The following CADPS2 variants were observed in gnomAD, a reference collection of about 807,000 sequenced individuals.
CADPS2 encodes calcium dependent secretion activator 2.
CADPS2 carries 93 observed loss-of-function variants against 172.5 expected under a neutral mutation model. The observed-to-expected ratio is 0.54, with a 90% CI of 0.46 to 0.64. The LOEUF is 0.64. CADPS2 is among the 30% of genes least tolerant of loss of function. The pLI, the probability that CADPS2 is intolerant of heterozygous loss-of-function variation, is 0.00. For missense variants in CADPS2, 1,420 were observed against 1,565.9 expected (o/e 0.91, Z 1.57); for synonymous variants, 546 against 555.2 (o/e 0.98, Z 0.23).
chr7:122,500,659 T>C (rs968499063), intron 9 of CADPS2, among the ~76,000 whole-genome samples: 1 of 152,096 alleles, frequency 6.6e-6, no homozygotes, highest in Non-Finnish European at 1.5e-5. Flanking sequence ...GATGTGACCA[T>C]AGTTATAAGA....
intron 8 of CADPS2, among the ~76,000 whole-genome samples, chr7:122,547,582 T>C (rs1587116098): frequency 1.3e-5 from 2 of 152,280 alleles, no homozygotes; most frequent in East Asian, 3.9e-4. Context: ...AAAAATTGGG[T>C]TTAAAAATAG....
intron 1 of CADPS2, among the ~76,000 whole-genome samples, chr7:122,787,210 T>C (rs1001999983): frequency 6.6e-6 from 1 of 152,214 alleles, no homozygotes; most frequent in Non-Finnish European, 1.5e-5. Flanking sequence ...GAGGGTTTTA[T>C]AAAGTGCCTC....
At chr7:122,568,547 G>C (rs2066771669) in intron 7 of CADPS2, among the ~76,000 whole-genome samples, 1 of 152,042 alleles carries the variant, frequency 6.6e-6, no homozygotes, top group Non-Finnish European at 1.5e-5. Context: ...TCCAGGAATA[G>C]GCTTACAGAT....
At chr7:122,829,142 C>G (rs1805771297) in intron 1 of CADPS2, among the ~76,000 whole-genome samples, 2 of 152,074 alleles carry the variant, frequency 1.3e-5, no homozygotes, top group Non-Finnish European at 2.9e-5. Flanking sequence ...AGGAACAGGT[C>G]CATTATTGTC....
intron 10 of CADPS2, among the ~76,000 whole-genome samples, chr7:122,490,606 T>C (rs955403315): frequency 6.6e-6 from 1 of 152,170 alleles, no homozygotes; most frequent in South Asian, 2.1e-4. Flanking sequence ...AAAGAAGTTT[T>C]ATCTGTTGGC....
chr7:122,482,590 A>G (rs2057417045), intron 11 of CADPS2, among the ~76,000 whole-genome samples: 1 of 152,166 alleles, frequency 6.6e-6, no homozygotes, highest in Non-Finnish European at 1.5e-5. Flanking sequence ...AAATTTACAA[A>G]AAGTTTATTA....
In CADPS2 at chr7:122,325,534, A is replaced by T. The variant is rs2033655922; in HGVS notation, c.3660T>A (p.Asp1220Glu). Residue 1220 changes from aspartate (D) to glutamate (E), a missense_variant, in exon 29 of 30, where the codon GAT becomes GAA. By Grantham distance (45) the Asp-to-Glu change is conservative. Coordinates refer to ENST00000449022, the MANE Select transcript of CADPS2 (RefSeq NM_017954.11). ...SMKVICVWLTDRLDLQLHIYQ... is the reference protein window; with the variant it reads ...SMKVICVWLTERLDLQLHIYQ... ...AAATATGGAGTTGGAGGTCTAATCTATCAGTCAACCACACGCAAATGACTT... is the reference window on the plus strand; with the variant it reads ...AAATATGGAGTTGGAGGTCTAATCTTTCAGTCAACCACACGCAAATGACTT... The T allele has an allele frequency of 6.2e-7, 1 of 1,611,764 alleles. No homozygotes were observed. Among genetic ancestry groups the T allele is most frequent in the Non-Finnish European group, 8.5e-7 (1 of 1,178,786 alleles).
At chr7:122,403,566 CAT>C (rs780286511) in intron 20 of CADPS2, among the ~76,000 whole-genome samples, 17 of 151,974 alleles carry the variant, frequency 1.1e-4, no homozygotes, top group Admixed American at 3.3e-4. Flanking sequence ...AAATATAAAA[CAT>C]ATTTAATATG....
intron 1 of CADPS2, among the ~76,000 whole-genome samples, chr7:122,827,529 G>T (rs1372205320): frequency 6.6e-6 from 1 of 151,600 alleles, no homozygotes; most frequent in Non-Finnish European, 1.5e-5. Context: ...CTACTTGGGA[G>T]GCTGAGGCAG....
At chr7:122,747,765 AG>A (rs2092778630) in intron 1 of CADPS2, among the ~76,000 whole-genome samples, 1 of 152,122 alleles carries the variant, frequency 6.6e-6, no homozygotes, top group African/African-American at 2.4e-5. Flanking sequence ...CAGCTTGAAG[AG>A]GTAAAAGCTC....
intron 17 of CADPS2, among the ~76,000 whole-genome samples, chr7:122,435,472 T>C (rs147324526): frequency 1.0e-3 from 154 of 152,226 alleles, no homozygotes; most frequent in African/African-American, 3.6e-3. Flanking sequence ...CTCACACCTG[T>C]TGGGACGACT....
chr7:122,563,779 T>TA (rs1273789849), intron 7 of CADPS2, among the ~76,000 whole-genome samples: 1 of 152,090 alleles, frequency 6.6e-6, no homozygotes, highest in Non-Finnish European at 1.5e-5. Flanking sequence ...GCATGGAACA[T>TA]AAAGTTATGG....
At chr7:122,646,230 A>T (rs2078537543) in intron 3 of CADPS2, among the ~76,000 whole-genome samples, 1 of 152,092 alleles carries the variant, frequency 6.6e-6, no homozygotes, top group African/African-American at 2.4e-5. Context: ...CATTTACTAT[A>T]TGTAAGTGCC....
At chr7:122,856,172 T>A (rs1025520645) in intron 1 of CADPS2, among the ~76,000 whole-genome samples, 2 of 152,190 alleles carry the variant, frequency 1.3e-5, no homozygotes, top group African/African-American at 2.4e-5. Flanking sequence ...TGAGCCAACA[T>A]CCCACTCCCT....
chr7:122,404,032 T>A (rs2046301810), intron 20 of CADPS2, among the ~76,000 whole-genome samples: 1 of 152,202 alleles, frequency 6.6e-6, no homozygotes, highest in South Asian at 2.1e-4. Flanking sequence ...AGGGTACATG[T>A]GCACAATGTG....
chr7:122,565,231 T>TA (rs11304570), intron 7 of CADPS2, among the ~76,000 whole-genome samples: 5,210 of 142,056 alleles, frequency 0.037, 246 homozygotes, highest in African/African-American at 0.12. Context: ...TTTATAGAAT[T>TA]AAAAAAAAAA....
chr7:122,693,481 G>A (rs1317571885), intron 2 of CADPS2, among the ~76,000 whole-genome samples: 2 of 152,220 alleles, frequency 1.3e-5, no homozygotes, highest in African/African-American at 2.4e-5. Flanking sequence ...ACAGTCCTCT[G>A]GCAGTGGTTC....
At chr7:122,874,632 T>C (rs1015926565) in intron 1 of CADPS2, among the ~76,000 whole-genome samples, 1 of 152,178 alleles carries the variant, frequency 6.6e-6, no homozygotes, top group African/African-American at 2.4e-5. Flanking sequence ...CTTCAAACTA[T>C]ACTTTGAGGC....
At chr7:122,864,919 A>C (rs1243742953) in intron 1 of CADPS2, among the ~76,000 whole-genome samples, 1 of 152,096 alleles carries the variant, frequency 6.6e-6, no homozygotes, top group Non-Finnish European at 1.5e-5. Context: ...TCCCTTTCAG[A>C]AAATGGCCCA....
Sources: allele counts gnomAD v4.1 joint callset (sites outside exome capture counted in the v4.1 genomes callset), GRCh38; gene constraint gnomAD v4.1.1; transcripts MANE v1.5; gene names NCBI Gene and HGNC (gene_info 2026-07-23, HGNC 2026-07-21).